Variants in PDZD9 observed in about 807,000 individuals in gnomAD.
PDZD9 encodes the protein PDZ domain containing 9.
Under a neutral mutation model 16.3 loss-of-function variants are expected in PDZD9, and 13 were observed. The ratio of observed to expected loss-of-function variants is 0.80; its 90% CI spans 0.52 to 1.27. PDZD9 has a LOEUF of 1.27. PDZD9 is among the 50% of genes most tolerant of loss of function. The probability of loss-of-function intolerance (pLI) is 0.00; values close to 1 mark genes in which losing one functional copy is unlikely to be tolerated. For synonymous variants in PDZD9, 120 were observed against 111.0 expected, an observed-to-expected ratio of 1.08 and a Z score of -0.51; for missense variants, 288 against 310.9, an observed-to-expected ratio of 0.93 and a Z score of 0.55.
chr16:22,001,101 CAG>C lies in PDZD9; in HGVS notation c.-56_-55del. On this transcript the variant is annotated 5_prime_UTR_variant, in exon 1 of 4. Transcript: ENST00000424898. The stretch of plus-strand genomic sequence containing the variant: ...GGCCTCCCGGAGCAGAGGCTGGAGT[CAG>C]TCCCAATGCCAACAGTTTCGAACCT... 1 of 1,463,586 alleles carries C rather than the reference CAG, an allele frequency of 6.8e-7. No homozygotes were observed. Among genetic ancestry groups the C allele is most frequent in the Non-Finnish European group, 9.1e-7 (1 of 1,103,090 alleles). 90.7% of individuals were successfully genotyped at this position (1,463,586 alleles called of 1,614,324 possible).
intron 2 of PDZD9, chr16:21,995,140 G>A (rs866515073): frequency 1.3e-4 from 54 of 430,428 alleles, no homozygotes; most frequent in South Asian, 5.0e-4. Context: ...TCCTGTTCTC[G>A]TGATAGCGAG....
At chr16:21,997,100 G>A (rs1270081377) in intron 1 of PDZD9, among the ~76,000 whole-genome samples, 1 of 152,192 alleles carries the variant, frequency 6.6e-6, no homozygotes. Context: ...TGGCATTACA[G>A]GTGTGAGCCA....
chr16:21,984,975 C>T (rs983652523), intron 3 of PDZD9, among the ~76,000 whole-genome samples: 13 of 152,142 alleles, frequency 8.5e-5, no homozygotes, highest in African/African-American at 2.2e-4. Context: ...GCTAAAGTGA[C>T]GGATTCAACC....
At chr16:21,983,322 T>C, downstream of PDZD9, 1 of 616,202 alleles carries the variant, frequency 1.6e-6, no homozygotes, top group Non-Finnish European at 2.7e-6. Flanking sequence ...CCAGCTGACC[T>C]AAAGTCAATA....
At chr16:21,996,599 T>C (rs1238212053) in intron 1 of PDZD9, 98 bp from the exon 2 acceptor site, 5 of 1,117,614 alleles carry the variant, frequency 4.5e-6, no homozygotes, top group Non-Finnish European at 6.2e-6. Context: ...GACAGTTATT[T>C]AATCCCTGTT....
chr16:21,958,204 T>A, the PDZD9 span, among the ~76,000 whole-genome samples: 5 of 152,114 alleles, frequency 3.3e-5, no homozygotes, highest in African/African-American at 1.2e-4. Context: ...TGTTAGAGCA[T>A]AAGAAATCAG....
the PDZD9 span, among the ~76,000 whole-genome samples, chr16:21,967,242 A>C: frequency 6.6e-6 from 1 of 152,204 alleles, no homozygotes; most frequent in Non-Finnish European, 1.5e-5. Flanking sequence ...TACAGACACC[A>C]TTCATTTTAG....
the PDZD9 span, chr16:21,957,556 C>G: frequency 1.2e-6 from 2 of 1,614,118 alleles, no homozygotes; most frequent in Non-Finnish European, 1.7e-6. Context: ...CTGCGTCTTA[C>G]ATCCAGTCTG....
At chr16:21,958,695 T>A in the PDZD9 span, 2 of 1,021,948 alleles carry the variant, frequency 2.0e-6, no homozygotes, top group Non-Finnish European at 2.9e-6. Context: ...GAGGATTTCT[T>A]AAGCAACATA....
chr16:21,963,408 T>G, the PDZD9 span, among the ~76,000 whole-genome samples: 1 of 152,212 alleles, frequency 6.6e-6, no homozygotes, highest in African/African-American at 2.4e-5. Flanking sequence ...TGATGGTAAG[T>G]AAATTGTTTG....
chr16:22,000,825 A>AATGATGATGATG (rs10611346), intron 1 of PDZD9, among the ~76,000 whole-genome samples, 192 bp downstream of exon 1: 64 of 140,590 alleles, frequency 4.6e-4, no homozygotes, highest in Middle Eastern at 3.5e-3. Context: ...CTCCTTCTCA[A>AATGATGATGATG]ATGATGATGA....
intron 2 of PDZD9, among the ~76,000 whole-genome samples, chr16:21,991,880 G>A (rs1167727950): frequency 6.6e-6 from 1 of 152,162 alleles, no homozygotes; most frequent in East Asian, 1.9e-4. Flanking sequence ...GACTTCCTCT[G>A]TATTCAAATC....
chr16:21,958,508 A>G, the PDZD9 span: 10 of 1,609,278 alleles, frequency 6.2e-6, no homozygotes, highest in Admixed American at 1.2e-4. Flanking sequence ...GAAAAGCTAC[A>G]AAGATAATCA....
chr16:21,987,464 G>A (rs1898906502), intron 3 of PDZD9, among the ~76,000 whole-genome samples: 1 of 152,080 alleles, frequency 6.6e-6, no homozygotes, highest in Admixed American at 6.6e-5. Context: ...CAGTTTGAAA[G>A]TAATTAGCAT....
chr16:21,970,862 A>G, the PDZD9 span, among the ~76,000 whole-genome samples: 1 of 152,122 alleles, frequency 6.6e-6, no homozygotes, highest in Non-Finnish European at 1.5e-5. Context: ...TTGGGATTAC[A>G]GATGTGAGCC....
chr16:21,984,656 G>C lies in PDZD9; in HGVS notation c.406C>G (p.Pro136Ala). The change falls in exon 4 of 4, where the codon CCA (proline) becomes GCA (alanine). Residue 136 changes from proline to alanine, a missense_variant. Transcript: ENST00000424898. ...PEAKFPVTST[P>A]KKIELAKDES... ...TCTTTTGCCAGCTCAATTTTCTTTGGTGTGCTGAAATGAAAAGAATAGTGA... is the reference window on the plus strand; with the variant it reads ...TCTTTTGCCAGCTCAATTTTCTTTGCTGTGCTGAAATGAAAAGAATAGTGA... The C allele has an allele frequency of 1.3e-6, 2 of 1,502,850 alleles. No homozygotes were observed. The highest frequency in any genetic ancestry group is 1.8e-6 in the Non-Finnish European group (2 of 1,125,570). The allele number at this position is 1,502,850 out of a possible 1,614,324, so 93.1% of individuals were successfully genotyped here.
At chr16:21,966,781 T>C in the PDZD9 span, among the ~76,000 whole-genome samples, 1 of 152,210 alleles carries the variant, frequency 6.6e-6, no homozygotes, top group Non-Finnish European at 1.5e-5. Flanking sequence ...AGATGTGTCA[T>C]TAAGTTAGCT....
intron 1 of PDZD9, among the ~76,000 whole-genome samples, chr16:21,997,068 C>T (rs527305762): frequency 6.6e-6 from 1 of 152,290 alleles, no homozygotes; most frequent in South Asian, 2.1e-4. Context: ...AGCAATCCTC[C>T]CACCTCAGCC....
chr16:21,967,231 G>T, the PDZD9 span, among the ~76,000 whole-genome samples: 2 of 152,118 alleles, frequency 1.3e-5, no homozygotes, highest in African/African-American at 4.8e-5. Flanking sequence ...TACTCCATAG[G>T]TACAGACACC....
Sources: gnomAD v4.1 joint callset for allele counts (sites outside exome capture counted in the v4.1 genomes callset) on GRCh38, gnomAD v4.1.1 for gene constraint, MANE v1.5 for transcripts, NCBI Gene and HGNC (gene_info 2026-07-23, HGNC 2026-07-21) for gene names.